The following ST3GAL3 variants were observed in gnomAD, a reference collection of about 807,000 sequenced individuals.
ST3GAL3 encodes the protein ST3 beta-galactoside alpha-2,3-sialyltransferase 3.
A neutral mutation model predicts 50.1 loss-of-function variants in ST3GAL3; 21 were observed. The observed-to-expected ratio is 0.42, with a 90% CI of 0.30 to 0.60. The LOEUF (loss-of-function observed/expected upper bound fraction) is 0.60. Ranked by LOEUF, ST3GAL3 falls within the 20% of genes least tolerant of loss-of-function variation. ST3GAL3 has a pLI of 0.19. For synonymous variants in ST3GAL3, 183 were observed against 190.0 expected (o/e 0.96, Z 0.30); for missense variants, 353 against 489.4 (o/e 0.72, Z 2.63).
chr1:43,828,921 C>T (rs1444873488), intron 4 of ST3GAL3, among the ~76,000 whole-genome samples: 1 of 152,100 alleles, frequency 6.6e-6, no homozygotes, highest in East Asian at 1.9e-4. Context: ...AGTATTTACC[C>T]AGTGGAACTG....
At chr1:43,724,426 C>T (rs1489294120) in intron 1 of ST3GAL3, among the ~76,000 whole-genome samples, 9 of 150,252 alleles carry the variant, frequency 6.0e-5, no homozygotes, top group Admixed American at 2.7e-4. Context: ...GCCATGTTGC[C>T]CAGGCTGGTC....
intron 4 of ST3GAL3, among the ~76,000 whole-genome samples, chr1:43,837,221 A>G (rs1324175750): frequency 6.6e-6 from 1 of 152,210 alleles, no homozygotes; most frequent in Non-Finnish European, 1.5e-5. Context: ...ATACAAGCAC[A>G]GAGGAGGCAC....
intron 4 of ST3GAL3, among the ~76,000 whole-genome samples, chr1:43,835,179 G>A (rs901065920): frequency 4.6e-5 from 7 of 152,174 alleles, no homozygotes; most frequent in African/African-American, 1.4e-4. Context: ...AGGGCTGAGT[G>A]ATTTGATCAG....
At chr1:43,802,955 C>G (rs1222395297) in intron 3 of ST3GAL3, among the ~76,000 whole-genome samples, 1 of 152,066 alleles carries the variant, frequency 6.6e-6, no homozygotes, top group Non-Finnish European at 1.5e-5. Flanking sequence ...GTTTTTGAGA[C>G]AGAGTCTCAC....
chr1:43,928,500 T>C (rs921342284), intron 11 of ST3GAL3, among the ~76,000 whole-genome samples: 18 of 152,010 alleles, frequency 1.2e-4, no homozygotes, highest in African/African-American at 3.9e-4. Flanking sequence ...CTCAGATGAC[T>C]GAGGCAGGAG....
chr1:43,874,868 G>C (rs1431352071), intron 5 of ST3GAL3, among the ~76,000 whole-genome samples: 1 of 152,186 alleles, frequency 6.6e-6, no homozygotes, highest in Non-Finnish European at 1.5e-5. Context: ...GAGAAAGTAT[G>C]AGTAGTCATC....
At chr1:43,765,843 A>G (rs1692706325) in intron 2 of ST3GAL3, among the ~76,000 whole-genome samples, 1 of 150,664 alleles carries the variant, frequency 6.6e-6, no homozygotes, top group Admixed American at 6.6e-5. Context: ...GGTATAGGAG[A>G]AGATTGAGAA....
At chr1:43,799,856 T>C (rs1465224877) in intron 3 of ST3GAL3, 2 of 152,276 alleles carry the variant, frequency 1.3e-5, no homozygotes, top group Non-Finnish European at 2.9e-5. Flanking sequence ...TGCAGCTTAG[T>C]GCAAGATGCC....
chr1:43,920,450 A>G lies in ST3GAL3; in HGVS notation c.791A>G (p.Lys264Arg). ...FWKSVATRVP[K>R]EPPEIRILNP... Reference sequence around the variant, plus strand: ...AAATCTGTGGCCACTCGAGTGCCCAAGGAGCCCCCTGAGATTCGAATCCTC... The same window carrying G: ...AAATCTGTGGCCACTCGAGTGCCCAGGGAGCCCCCTGAGATTCGAATCCTC... Residue 264 changes from lysine (K) to arginine (R), a missense_variant, in exon 10 of 12, where the codon AAG (lysine) becomes AGG (arginine). By Grantham distance (26) the Lys-to-Arg change is conservative. Transcript: ENST00000347631. The G allele has an allele frequency of 6.2e-7, 1 of 1,614,168 alleles. No individual in the cohort carries two copies. The highest frequency in any genetic ancestry group is 8.5e-7 in the Non-Finnish European group (1 of 1,180,028).
At chr1:43,729,264 A>G (rs1312265478) in intron 1 of ST3GAL3, among the ~76,000 whole-genome samples, 1 of 151,490 alleles carries the variant, frequency 6.6e-6, no homozygotes, top group African/African-American at 2.4e-5. Context: ...TATCGAGACA[A>G]TTTTTTGTAA....
chr1:43,923,263 CAAAA>C (rs35151641), intron 11 of ST3GAL3, among the ~76,000 whole-genome samples: 21 of 120,318 alleles, frequency 1.7e-4, no homozygotes, highest in Admixed American at 1.7e-4. Context: ...GACCCTGTCT[CAAAA>C]AAAAAAAAAA....
intron 5 of ST3GAL3, among the ~76,000 whole-genome samples, chr1:43,845,522 CTCTTTT>C (rs1310385830): frequency 4.6e-5 from 7 of 151,910 alleles, no homozygotes; most frequent in Admixed American, 1.3e-4. Context: ...CATTTTTTCT[CTCTTTT>C]TCTTAAATTC....
At chr1:43,859,577 A>C (rs962465353) in intron 5 of ST3GAL3, among the ~76,000 whole-genome samples, 13 of 152,156 alleles carry the variant, frequency 8.5e-5, no homozygotes, top group South Asian at 2.1e-4. Context: ...AAGAAAAAAA[A>C]CCAGATGATT....
At chr1:43,765,805 G>A (rs763294512) in intron 2 of ST3GAL3, among the ~76,000 whole-genome samples, 17 of 145,632 alleles carry the variant, frequency 1.2e-4, no homozygotes, top group Non-Finnish European at 1.5e-4. Context: ...GCGCGCGTCC[G>A]CGCGTCCGCG....
At chr1:43,929,647 A>C (rs186068215) in intron 11 of ST3GAL3, among the ~76,000 whole-genome samples, 21 of 152,252 alleles carry the variant, frequency 1.4e-4, no homozygotes, top group African/African-American at 5.1e-4. Context: ...CGCAGGCCCC[A>C]TAGCTCCTCT....
chr1:43,873,858 G>A (rs978740118), intron 5 of ST3GAL3, among the ~76,000 whole-genome samples: 3 of 152,036 alleles, frequency 2.0e-5, no homozygotes, highest in Non-Finnish European at 4.4e-5. Flanking sequence ...CAGTGTGTGG[G>A]GTTCAGGGAA....
intron 1 of ST3GAL3, among the ~76,000 whole-genome samples, chr1:43,713,821 C>T (rs569056557): frequency 6.6e-6 from 1 of 152,276 alleles, no homozygotes; most frequent in African/African-American, 2.4e-5. Flanking sequence ...CACGCGTGAG[C>T]CACTACGGCC....
intron 1 of ST3GAL3, among the ~76,000 whole-genome samples, chr1:43,726,820 C>T (rs1350381183): frequency 6.6e-6 from 1 of 151,662 alleles, no homozygotes; most frequent in Non-Finnish European, 1.5e-5. Flanking sequence ...TCTCGAACTC[C>T]TGACCTCAAA....
chr1:43,736,788 T>G, intron 2 of ST3GAL3: 1 of 299,002 alleles, frequency 3.3e-6, no homozygotes, highest in Non-Finnish European at 6.5e-6. Context: ...ATCTTTATGT[T>G]GAATTTTCAA....
Sources: gnomAD v4.1 joint callset for allele counts (sites outside exome capture counted in the v4.1 genomes callset) on GRCh38, gnomAD v4.1.1 for gene constraint, MANE v1.5 for transcripts, NCBI Gene and HGNC (gene_info 2026-07-23, HGNC 2026-07-21) for gene names.